OTUD7A: variants seen among roughly 807,000 people sequenced by gnomAD.
OTUD7A encodes OTU domain-containing protein 7A.
Under a neutral mutation model 65.7 loss-of-function variants are expected in OTUD7A, and 12 were observed. That is an observed-to-expected ratio of 0.18 (90% CI 0.12 to 0.30). The LOEUF is 0.30. Ranked by LOEUF, OTUD7A falls within the 10% of genes least tolerant of loss-of-function variation. OTUD7A has a pLI of 1.00. For missense variants in OTUD7A, 1,148 were observed against 1,304.8 expected (o/e 0.88, Z 1.85); for synonymous variants, 641 against 586.3 (o/e 1.09, Z -1.35).
rs115530321 is a variant in OTUD7A, at chr15:31,635,457, A to G, written c.151+19639T>C. Among the ~76,000 whole-genome samples the G allele has an allele frequency of 1.8e-3, 268 of 152,286 alleles. 1 individual carries two copies. The highest frequency in any genetic ancestry group is 6.1e-3 in the African/African-American group (255 of 41,552). ...TGAAAACACAAAGACCTCCCATCCA[A>G]GCATCCTTCCCAGCAGCCAATGGAA... is the stretch of plus-strand genomic sequence containing the variant. On this transcript the variant is annotated intron_variant, in intron 3 of 12. Transcript: ENST00000307050.
At chr15:31,803,909 G>C (rs1160287371) in intron 1 of OTUD7A, among the ~76,000 whole-genome samples, 1 of 152,202 alleles carries the variant, frequency 6.6e-6, no homozygotes, top group Non-Finnish European at 1.5e-5. Flanking sequence ...GAGCACATCT[G>C]CTAAAAAGCC....
At chr15:31,585,538 C>T (rs943930588) in intron 3 of OTUD7A, among the ~76,000 whole-genome samples, 4 of 152,174 alleles carry the variant, frequency 2.6e-5, no homozygotes, top group Non-Finnish European at 5.9e-5. Context: ...CAGCACAGTG[C>T]GTCCCCACCC....
Position 31,478,156 on chromosome 15 carries a change from CT to C in OTUD7A, c.*5137del, listed in dbSNP as rs941804485. ...GGGAGAGGCCTTTGTAAGGACCTGG[CT>C]TTTCCTCTGCCATGGGAGGCTGTTT... On this transcript the variant is annotated 3_prime_UTR_variant, in exon 13 of 13. Transcript: ENST00000307050. 2.0e-5 allele frequency: 3 copies of C among 152,214 alleles called. No individual in the cohort carries two copies. The highest frequency in any genetic ancestry group is 7.2e-5 in the African/African-American group (3 of 41,434). 9.4% of individuals were successfully genotyped at this position (152,214 alleles called of 1,614,324 possible).
Position 31,484,731 on chromosome 15 carries a change from G to A in OTUD7A, c.1372-7C>T, listed in dbSNP as rs201934783. ...CCGGCTGTGCCAGGGGCGCCTGTGT[G>A]GAGAGGGAGGGCCGGATCGAAGGTG... On this transcript the variant is annotated splice_region_variant and splice_polypyrimidine_tract_variant and intron_variant, in intron 12 of 12. Transcript: ENST00000307050. This position sits in a 1 kb window ranked among gnomAD's most constrained non-coding sequence, Gnocchi z 4.5. The A allele has an allele frequency of 1.3e-6, 2 of 1,589,116 alleles. No individual in the cohort carries two copies. Among genetic ancestry groups the A allele is most frequent in the Non-Finnish European group, 1.7e-6 (2 of 1,174,274 alleles).
At chr15:31,529,618 A>T (rs2042059856) in intron 6 of OTUD7A, among the ~76,000 whole-genome samples, 1 of 152,218 alleles carries the variant, frequency 6.6e-6, no homozygotes, top group Non-Finnish European at 1.5e-5. Context: ...ACTGCAGGTC[A>T]AGCCTGGGGA....
chr15:31,633,711 G>A (rs1891248596), intron 3 of OTUD7A, among the ~76,000 whole-genome samples: 1 of 152,096 alleles, frequency 6.6e-6, no homozygotes, highest in South Asian at 2.1e-4. Context: ...CCTGTAACTT[G>A]TGCCTACCTG....
intron 4 of OTUD7A, among the ~76,000 whole-genome samples, chr15:31,560,579 T>C (rs898894659): frequency 4.6e-5 from 7 of 152,256 alleles, no homozygotes; most frequent in East Asian, 1.9e-4. Context: ...TCTTTTCTCA[T>C]AGTGTTTTCA....
chr15:31,800,035 G>A (rs905930323), intron 1 of OTUD7A, among the ~76,000 whole-genome samples: 2 of 152,108 alleles, frequency 1.3e-5, no homozygotes, highest in Non-Finnish European at 2.9e-5. Flanking sequence ...ACCAGAAACC[G>A]CAGAAAGTGA....
Position 31,735,533 on chromosome 15 carries a change from C to CAA in OTUD7A, c.-99-78458_-99-78457dup, listed in dbSNP as rs71113418. Among the ~76,000 whole-genome samples, 970 of 134,502 alleles carry CAA rather than the reference C, an allele frequency of 7.2e-3. 10 individuals carry two copies. Among genetic ancestry groups the CAA allele is most frequent in the African/African-American group, 0.019 (638 of 33,806 alleles). 88.2% of individuals were successfully genotyped at this position (134,502 alleles called of 152,430 possible). A position where few individuals can be genotyped will look rare whatever the true frequency, so the allele number is the denominator to read the frequency against. ...TGGGCAACAGAGTGAAACTCTGTCTCAAAAAAAAAAAAAAAGTCAAAAAAT... is the reference window on the plus strand; with the variant it reads ...TGGGCAACAGAGTGAAACTCTGTCTCAAAAAAAAAAAAAAAAAGTCAAAAAAT... On this transcript the variant is annotated intron_variant, in intron 1 of 12. Transcript: ENST00000307050.
Position 31,478,286 on chromosome 15 carries a change from A to G in OTUD7A, c.*5008T>C, listed in dbSNP as rs1351559120. Reference sequence around the variant, plus strand: ...GGTTGCTTTGGTCTTGAATAAATTCAGCCTATATTTACTCTTAAAACCAAA... The same window carrying G: ...GGTTGCTTTGGTCTTGAATAAATTCGGCCTATATTTACTCTTAAAACCAAA... On this transcript the variant is annotated 3_prime_UTR_variant, in exon 13 of 13. Transcript: ENST00000307050. The G allele has an allele frequency of 6.6e-6, 1 of 152,210 alleles. No homozygotes were observed. Among genetic ancestry groups the G allele is most frequent in the Non-Finnish European group, 1.5e-5 (1 of 68,030 alleles). 9.4% of individuals were successfully genotyped at this position (152,210 alleles called of 1,614,324 possible). A position where few individuals can be genotyped will look rare whatever the true frequency, so the allele number is the denominator to read the frequency against.
chr15:31,622,304 T>C (rs1254110155), intron 3 of OTUD7A, among the ~76,000 whole-genome samples: 1 of 152,166 alleles, frequency 6.6e-6, no homozygotes, highest in Non-Finnish European at 1.5e-5. Context: ...AATGTGAATG[T>C]TGGCCTGCCT....
chr15:31,822,769 A>C (rs1362257023), intron 1 of OTUD7A, among the ~76,000 whole-genome samples: 1 of 152,206 alleles, frequency 6.6e-6, no homozygotes, highest in Non-Finnish European at 1.5e-5. Context: ...CCAAGAGGGC[A>C]AATCACTTGG....
intron 3 of OTUD7A, among the ~76,000 whole-genome samples, chr15:31,592,904 A>AAAAAAAATATATAT (rs1416029921): frequency 1.7e-5 from 1 of 59,384 alleles, no homozygotes; most frequent in African/African-American, 8.0e-5. Context: ...AAAAAAAAAA[A>AAAAAAAATATATAT]ATATATATAT....
intron 1 of OTUD7A, among the ~76,000 whole-genome samples, chr15:31,798,041 A>G (rs943886030): frequency 1.3e-5 from 2 of 152,166 alleles, no homozygotes; most frequent in Admixed American, 1.3e-4. Context: ...GTGTGTGGAC[A>G]TCCCCAGTGA....
chr15:31,551,979 T>A (rs746437133), intron 5 of OTUD7A, among the ~76,000 whole-genome samples: 4 of 152,176 alleles, frequency 2.6e-5, no homozygotes, highest in Non-Finnish European at 5.9e-5. Flanking sequence ...TGATCCCCAA[T>A]GTTGAGGGGG....
At chr15:31,737,500 G>A (rs1894224172) in intron 1 of OTUD7A, among the ~76,000 whole-genome samples, 1 of 152,210 alleles carries the variant, frequency 6.6e-6, no homozygotes, top group African/African-American at 2.4e-5. Context: ...GATTTATTGA[G>A]CACTGCATGC....
At chr15:31,622,248 T>C (rs12324493) in intron 3 of OTUD7A, among the ~76,000 whole-genome samples, 5,672 of 152,172 alleles carry the variant, frequency 0.037, 370 homozygotes, top group African/African-American at 0.13. Flanking sequence ...TGTCTTGGAG[T>C]TGCTCTTCTC....
chr15:31,638,825 A>G (rs561310220), intron 3 of OTUD7A, among the ~76,000 whole-genome samples: 1 of 152,264 alleles, frequency 6.6e-6, no homozygotes, highest in Non-Finnish European at 1.5e-5. Context: ...GATACCATAC[A>G]TATATACCAC....
chr15:31,504,260 G>C (rs2041521639), intron 8 of OTUD7A, among the ~76,000 whole-genome samples: 1 of 152,040 alleles, frequency 6.6e-6, no homozygotes, highest in African/African-American at 2.4e-5. Context: ...TGGGCTGGTG[G>C]GGTCATTACC....
Sources: allele counts gnomAD v4.1 joint callset (sites outside exome capture counted in the v4.1 genomes callset), GRCh38; gene constraint gnomAD v4.1.1; non-coding constraint Gnocchi (gnomAD v3.1); transcripts MANE v1.5; gene names NCBI Gene and HGNC (gene_info 2026-07-23, HGNC 2026-07-21).